The following EDRF1 variants were observed in gnomAD, a reference collection of about 807,000 sequenced individuals.
EDRF1 encodes erythroid differentiation-related factor 1.
EDRF1 carries 69 observed loss-of-function variants against 148.7 expected under a neutral mutation model. That is an observed-to-expected ratio of 0.46 (90% CI 0.38 to 0.57). The LOEUF is 0.57. EDRF1 is among the 20% of genes least tolerant of loss of function. The pLI is 0.00. For synonymous variants in EDRF1, 515 were observed against 532.8 expected (o/e 0.97, Z 0.46); for missense variants, 1,118 against 1,478.7 (o/e 0.76, Z 4.00).
intron 9 of EDRF1, chr10:125,731,855 A>G: frequency 2.2e-6 from 1 of 452,408 alleles, no homozygotes; most frequent in South Asian, 1.6e-5. Context: ...ACCTTATTTG[A>G]TCTTCTTAGC....
At chr10:125,740,873 C>T in intron 16 of EDRF1, 128 bp from the exon 17 acceptor site, 1 of 1,168,602 alleles carries the variant, frequency 8.6e-7, no homozygotes, top group South Asian at 1.2e-5. Context: ...ATTGTTGGAC[C>T]TAAAATAAAC....
intron 9 of EDRF1, 111 bp downstream of exon 9, chr10:125,730,510 A>T: frequency 1.2e-6 from 1 of 801,202 alleles, no homozygotes; most frequent in Non-Finnish European, 2.2e-6. Context: ...GCCAGGGAAG[A>T]TAGCTGTGAA....
At chr10:125,720,036 C>A in intron 1 of EDRF1, 121 bp downstream of exon 1, 2 of 839,780 alleles carry the variant, frequency 2.4e-6, no homozygotes, top group East Asian at 2.8e-5. Flanking sequence ...CCTGACACCC[C>A]CAAAACAGGG....
In EDRF1 at chr10:125,753,680, T is replaced by C; in HGVS notation, c.3394-14T>C. The C allele has an allele frequency of 1.2e-6, 2 of 1,614,104 alleles. No individual in the cohort carries two copies. The highest frequency in any genetic ancestry group is 1.7e-6 in the Non-Finnish European group (2 of 1,179,990). Reference sequence around the variant, plus strand: ...TTGGATAGCTCGAGTAAAATAACTTTTTGTTGTTTTTAGCCTAAGAGTGGT... The same window carrying C: ...TTGGATAGCTCGAGTAAAATAACTTCTTGTTGTTTTTAGCCTAAGAGTGGT... On this transcript the variant is annotated splice_polypyrimidine_tract_variant and intron_variant, in intron 23 of 24. Coordinates refer to ENST00000356792, the MANE Select transcript of EDRF1 (RefSeq NM_001202438.2).
chr10:125,738,321 C>T lies in EDRF1; in HGVS notation c.1857C>T (p.Ile619=), dbSNP rs1292795400. The T allele has an allele frequency of 6.2e-7, 1 of 1,613,868 alleles. No homozygotes were observed. ...GTTTAAAATCTGTCGATAGCAGCAT[C>T]AAAAAAGAAAGCGACCTTCCAGCAG... ...LEGLKSVDSS[I]KKESDLPAAD... The change falls in exon 15 of 25, where the codon ATC becomes ATT. Residue 619 remains isoleucine (I), a synonymous_variant. Transcript: ENST00000356792.
intron 18 of EDRF1, chr10:125,745,491 A>T (rs1208793762): frequency 1.7e-6 from 1 of 592,168 alleles, no homozygotes; most frequent in African/African-American, 1.9e-5. Flanking sequence ...CATTCTAAGG[A>T]ACTAGGGGTT....
chr10:125,720,513 T>C (rs975846084), intron 1 of EDRF1, among the ~76,000 whole-genome samples: 2 of 152,162 alleles, frequency 1.3e-5, no homozygotes, highest in Admixed American at 6.5e-5. Context: ...GTTATTAAAA[T>C]TAAAATACAT....
chr10:125,760,689 T>C (rs961615976), intron 24 of EDRF1, among the ~76,000 whole-genome samples: 1 of 152,182 alleles, frequency 6.6e-6, no homozygotes, highest in Non-Finnish European at 1.5e-5. Context: ...TCACAGTGAA[T>C]ACATGAACAT....
rs1849432415 is a variant in EDRF1 at position 125,747,684 on chromosome 10, C to T, written c.2963C>T (p.Ala988Val). The change falls in exon 20 of 25, where the codon GCT becomes GTT. Residue 988 changes from alanine (A) to valine (V), a missense_variant. Physicochemically the swap from Ala to Val is moderately conservative, Grantham distance 64. This residue lies in a region of EDRF1 where 954 missense variants were observed against 1,241.4 expected (regional missense o/e 0.77). Coordinates refer to ENST00000356792, the MANE Select transcript of EDRF1 (RefSeq NM_001202438.2). ...QQDYAPLSRK[A>V]QEQIEKEVSE... ...GATTATGCTCCGTTATCTAGAAAAG[C>T]TCAGGAGCAGGTGATAATATTTGCT... 13 of 1,614,178 alleles carry T rather than the reference C, an allele frequency of 8.1e-6. No individual in the cohort carries two copies. Among genetic ancestry groups the T allele is most frequent in the Non-Finnish European group, 1.0e-5 (12 of 1,180,012 alleles).
In EDRF1 at chr10:125,721,425, C is replaced by G. The variant is rs371821240; in HGVS notation, c.317+13C>G. 2.3e-5 allele frequency: 37 copies of G among 1,612,934 alleles called. No individual in the cohort carries two copies. The African/African-American group carries it at 4.9e-4, about 22-fold the overall frequency. On this transcript the variant is annotated intron_variant, in intron 2 of 24. Coordinates refer to ENST00000356792, the MANE Select transcript of EDRF1 (RefSeq NM_001202438.2). ...AGCCATTTTCAAGGTAAATATTAAT[C>G]AGTGGCATTTTTACCTGCCCCTCCA...
chr10:125,724,791 C>G (rs1475739798), intron 4 of EDRF1, among the ~76,000 whole-genome samples: 1 of 152,164 alleles, frequency 6.6e-6, no homozygotes, highest in Non-Finnish European at 1.5e-5. Context: ...TTTTCTTGGG[C>G]TGGCAAGAAA....
At chr10:125,730,618 A>G (rs1848441574) in intron 9 of EDRF1, among the ~76,000 whole-genome samples, 1 of 152,246 alleles carries the variant, frequency 6.6e-6, no homozygotes, top group Admixed American at 6.5e-5. Context: ...GTTCATAAAT[A>G]TATGAAAACC....
In EDRF1 at chr10:125,729,480, G is replaced by T. The variant is rs780188289; in HGVS notation, c.1016+1G>T. On this transcript the variant is annotated splice_donor_variant, in intron 8 of 24. Coordinates refer to ENST00000356792, the MANE Select transcript of EDRF1 (RefSeq NM_001202438.2). LOFTEE classifies it high-confidence loss of function. ...ACCCAGCAGTCAGCTTACGTCTCAG[G>T]TGAACTAACATCATACCCCTCCTCA... 6.2e-7 allele frequency: 1 copy of T among 1,614,144 alleles called. No individual in the cohort carries two copies.
At chr10:125,733,058 T>G (rs1158326305) in intron 9 of EDRF1, among the ~76,000 whole-genome samples, 1 of 152,214 alleles carries the variant, frequency 6.6e-6, no homozygotes, top group African/African-American at 2.4e-5. Context: ...CTACCTTCAT[T>G]TACCATCTTC....
chr10:125,719,720 C>A lies in EDRF1; in HGVS notation c.-88C>A, dbSNP rs1024850210. The stretch of plus-strand genomic sequence containing the variant: ...GAGACCGGAAGTGCGGTCCGCGGAG[C>A]GTCTCTGGCGCTTACCCTGCTTTGG... On this transcript the variant is annotated 5_prime_UTR_variant, in exon 1 of 25. Transcript: ENST00000356792. 2.0e-5 allele frequency: 19 copies of A among 952,456 alleles called. No individual in the cohort carries two copies. In the East Asian group the frequency reaches 5.1e-4, roughly 25 times the overall value. 59.0% of individuals were successfully genotyped at this position (952,456 alleles called of 1,614,324 possible). A position where few individuals can be genotyped will look rare whatever the true frequency, so the allele number is the denominator to read the frequency against.
At chr10:125,729,301 A>T in intron 7 of EDRF1, 57 bp from the exon 8 acceptor site, 2 of 1,597,566 alleles carry the variant, frequency 1.3e-6, no homozygotes, top group Non-Finnish European at 1.7e-6. Context: ...TTTATGGATC[A>T]TGGGGGGAAA....
rs1564728545 is a variant in EDRF1, at chr10:125,721,421, T to G, written c.317+9T>G. ...AGCAAGCCATTTTCAAGGTAAATAT[T>G]AATCAGTGGCATTTTTACCTGCCCC... On this transcript the variant is annotated intron_variant, in intron 2 of 24. Transcript: ENST00000356792. 6.2e-7 allele frequency: 1 copy of G among 1,613,482 alleles called. No homozygotes were observed. The highest frequency in any genetic ancestry group is 8.5e-7 in the Non-Finnish European group (1 of 1,179,514).
intron 6 of EDRF1, among the ~76,000 whole-genome samples, chr10:125,727,482 G>T (rs6597724): frequency 2.0e-5 from 3 of 152,232 alleles, no homozygotes; most frequent in Non-Finnish European, 4.4e-5. Context: ...TATTGAGAAC[G>T]TTGTAACCTA....
chr10:125,721,158 C>T (rs1847978799), intron 1 of EDRF1, 46 bp from the exon 2 acceptor site: 4 of 1,582,698 alleles, frequency 2.5e-6, no homozygotes, highest in Middle Eastern at 3.6e-4. Flanking sequence ...TGAGATTTTT[C>T]GTTCTTAGTA....
Sources: gnomAD v4.1 joint callset for allele counts (sites outside exome capture counted in the v4.1 genomes callset) on GRCh38, gnomAD v4.1.1 for gene constraint, gnomAD v4.1.1 regional missense constraint, MANE v1.5 for transcripts, NCBI Gene and HGNC (gene_info 2026-07-23, HGNC 2026-07-21) for gene names.